The following RBFOX1 variants were observed in gnomAD, a reference collection of about 807,000 sequenced individuals.
The protein encoded by RBFOX1 is RNA binding protein fox-1 homolog 1.
In RBFOX1, 8 loss-of-function variants were observed where a neutral mutation model predicts 57.7. The ratio of observed to expected loss-of-function variants is 0.14; its 90% confidence interval spans 0.08 to 0.25. The LOEUF (loss-of-function observed/expected upper bound fraction) is 0.25, where lower values mean the gene tolerates loss of function less well. RBFOX1 is among the 10% of genes least tolerant of loss of function. RBFOX1 has a pLI of 1.00. For synonymous variants in RBFOX1, 326 were observed against 222.4 expected (o/e 1.47, Z -4.15); for missense variants, 611 against 548.5 (o/e 1.11, Z -1.14).
chr16:7,706,004 C>CT (rs1235163189), intron 14 of RBFOX1, among the ~76,000 whole-genome samples: 2 of 152,188 alleles, frequency 1.3e-5, no homozygotes, highest in Non-Finnish European at 2.9e-5. Context: ...CGTAAGACCT[C>CT]TTCCCATCAT....
chr16:6,121,682 T>A (rs2096550824), intron 1 of RBFOX1, among the ~76,000 whole-genome samples: 1 of 152,032 alleles, frequency 6.6e-6, no homozygotes. Context: ...GGTTAACAGG[T>A]GGGGAGCTCT....
chr16:5,456,151 A>T (rs526252), intron 1 of RBFOX1, among the ~76,000 whole-genome samples: 6,030 of 152,228 alleles, frequency 0.04, 261 homozygotes, highest in African/African-American at 0.11. Flanking sequence ...TATGCTATCT[A>T]TAGTCAAAAA....
At chr16:6,669,003 G>A (rs1746991088) in intron 3 of RBFOX1, among the ~76,000 whole-genome samples, 1 of 152,094 alleles carries the variant, frequency 6.6e-6, no homozygotes, top group South Asian at 2.1e-4. Flanking sequence ...CTCTTCAGTT[G>A]GTGGGTTTTA....
chr16:6,249,923 C>T (rs1029517964), intron 1 of RBFOX1, among the ~76,000 whole-genome samples: 52 of 152,150 alleles, frequency 3.4e-4, no homozygotes, highest in South Asian at 1.2e-3. Flanking sequence ...TGTCCCTCCC[C>T]ACTCCCCCTA....
rs903649026 is a variant in RBFOX1 at position 6,973,355 on chromosome 16, A to G, written c.-15-78702A>G. On this transcript the variant is annotated intron_variant, in intron 3 of 15. Coordinates refer to ENST00000550418, the MANE Select transcript of RBFOX1 (RefSeq NM_018723.4). ...TCAGACAAAAGCAGCACTTATTACA[A>G]TGGTTGGCATTTCAGAGATAATTCA... Among the ~76,000 whole-genome samples the G allele has an allele frequency of 5.2e-4, 79 of 152,216 alleles. 2 individuals carry two copies. The highest frequency in any genetic ancestry group is 2.6e-4 in the Admixed American group (4 of 15,286).
chr16:6,742,362 G>A (rs1467443451), intron 3 of RBFOX1, among the ~76,000 whole-genome samples: 2 of 152,192 alleles, frequency 1.3e-5, no homozygotes, highest in African/African-American at 4.8e-5. Flanking sequence ...TAGAAAGTGT[G>A]TCTCTCATAT....
At chr16:5,604,465 C>T (rs992651342), downstream of RBFOX1, among the ~76,000 whole-genome samples, 6 of 152,296 alleles carry the variant, frequency 3.9e-5, no homozygotes, top group South Asian at 4.2e-4. Flanking sequence ...AGGCCACCTA[C>T]GGTTCCCTGC....
At chr16:5,505,519 C>T (rs1221878241) in intron 2 of RBFOX1, among the ~76,000 whole-genome samples, 1 of 152,126 alleles carries the variant, frequency 6.6e-6, no homozygotes, top group African/African-American at 2.4e-5. Flanking sequence ...GAGAGTCCCA[C>T]CAGAAGCCCT....
intron 1 of RBFOX1, among the ~76,000 whole-genome samples, chr16:5,408,291 G>T (rs888647346): frequency 2.0e-5 from 3 of 152,206 alleles, no homozygotes; most frequent in Admixed American, 1.3e-4. Flanking sequence ...CATGTTTTAA[G>T]TGCTTGAACT....
In RBFOX1 at chr16:5,957,415, A is replaced by G. The variant is rs544085962; in HGVS notation, c.351+90080A>G. 9.2e-5 allele frequency among the ~76,000 whole-genome samples: 14 copies of G among 152,216 alleles called. No homozygotes were observed. In the East Asian group the frequency reaches 2.1e-3, roughly 23 times the overall value. ...TTTTTAGTAGAGATGGGGTTTCACCATGTTGGTCATGAACCCCTCACCTGG... is the reference window on the plus strand; with the variant it reads ...TTTTTAGTAGAGATGGGGTTTCACCGTGTTGGTCATGAACCCCTCACCTGG... On this transcript the variant is annotated intron_variant, in intron 4 of 19. Coordinates refer to the RBFOX1 transcript ENST00000641259.
chr16:5,672,859 GTGTGTGT>G (rs1216250789), intron 3 of RBFOX1, among the ~76,000 whole-genome samples: 69 of 940 alleles, frequency 0.073, no homozygotes, highest in Non-Finnish European at 0.076. Context: ...CCGTAGGTGT[GTGTGTGT>G]GTGTGTGTGT....
At chr16:5,492,754 A>T (rs1726190432) in intron 2 of RBFOX1, among the ~76,000 whole-genome samples, 1 of 152,234 alleles carries the variant, frequency 6.6e-6, no homozygotes, top group South Asian at 2.1e-4. Context: ...TCATTACCAA[A>T]TTCTGTGCAT....
intron 1 of RBFOX1, among the ~76,000 whole-genome samples, chr16:6,185,752 C>G (rs1175734815): frequency 6.6e-6 from 1 of 152,162 alleles, no homozygotes; most frequent in South Asian, 2.1e-4. Flanking sequence ...TTCCTTAAAA[C>G]ACTATAATTT....
chr16:5,902,614 C>T (rs796550434), intron 4 of RBFOX1, among the ~76,000 whole-genome samples: 1 of 152,056 alleles, frequency 6.6e-6, no homozygotes, highest in Non-Finnish European at 1.5e-5. Context: ...CAGGATTTCA[C>T]TATGTTAGCC....
At chr16:5,805,644 T>C (rs753606259) in intron 3 of RBFOX1, among the ~76,000 whole-genome samples, 26 of 152,164 alleles carry the variant, frequency 1.7e-4, no homozygotes, top group Non-Finnish European at 3.4e-4. Flanking sequence ...GGAGAGCTGT[T>C]ACCACCCCTA....
intron 3 of RBFOX1, among the ~76,000 whole-genome samples, chr16:5,686,214 T>C (rs931340428): frequency 1.3e-5 from 2 of 152,120 alleles, no homozygotes; most frequent in African/African-American, 4.8e-5. Flanking sequence ...CACACAGAGT[T>C]TGGCAGCTGC....
intron 2 of RBFOX1, among the ~76,000 whole-genome samples, chr16:5,542,464 G>T (rs1316366791): frequency 1.4e-5 from 2 of 147,400 alleles, no homozygotes; most frequent in African/African-American, 5.0e-5. Context: ...TCACCATATT[G>T]ACTAGGCTGG....
intron 2 of RBFOX1, among the ~76,000 whole-genome samples, chr16:6,335,387 G>C (rs929027546): frequency 1.1e-4 from 17 of 152,156 alleles, no homozygotes; most frequent in African/African-American, 4.1e-4. Context: ...AGCCAGGAGA[G>C]GGAGGAAGTT....
chr16:5,524,817 A>T (rs964984403), intron 2 of RBFOX1, among the ~76,000 whole-genome samples: 1 of 152,160 alleles, frequency 6.6e-6, no homozygotes, highest in Admixed American at 6.5e-5. Flanking sequence ...CTGGGATTAC[A>T]GGCGTGAGAC....
Sources: allele counts gnomAD v4.1 joint callset (sites outside exome capture counted in the v4.1 genomes callset), GRCh38; gene constraint gnomAD v4.1.1; transcripts MANE v1.5; gene names NCBI Gene and HGNC (gene_info 2026-07-23, HGNC 2026-07-21).